Variants in CD300C observed in about 807,000 individuals in gnomAD.
CD300C encodes the protein CD300c molecule.
A neutral mutation model predicts 18.4 loss-of-function variants in CD300C; 11 were observed. The observed-to-expected ratio is 0.60, with a 90% CI of 0.38 to 0.99. CD300C has a LOEUF of 0.99. Among genes scored for constraint, CD300C ranks in the 50% least tolerant of loss-of-function variants. The probability of loss-of-function intolerance (pLI) is 0.01; values close to 1 mark genes in which losing one functional copy is unlikely to be tolerated. For synonymous variants in CD300C, 116 were observed against 116.3 expected (o/e 1.00, Z 0.02); for missense variants, 277 against 287.4 (o/e 0.96, Z 0.26).
intron 2 of CD300C, among the ~76,000 whole-genome samples, chr17:74,543,919 A>T (rs563754551): frequency 3.9e-5 from 6 of 152,212 alleles, no homozygotes; most frequent in African/African-American, 1.4e-4. Flanking sequence ...CCTGTGGTAA[A>T]AGGTGCCAGA....
At chr17:74,538,405 G>T (rs910102922), downstream of CD300C, among the ~76,000 whole-genome samples, 9 of 152,186 alleles carry the variant, frequency 5.9e-5, no homozygotes, top group African/African-American at 2.2e-4. Context: ...TGGGGACACG[G>T]TGACAGGCAG....
intron 2 of CD300C, among the ~76,000 whole-genome samples, chr17:74,543,419 G>A (rs1908630370): frequency 6.6e-6 from 1 of 152,226 alleles, no homozygotes; most frequent in South Asian, 2.1e-4. Context: ...CCTGAACGAT[G>A]GGACCCGAGT....
chr17:74,540,527 C>G (rs1014205252), downstream of CD300C, among the ~76,000 whole-genome samples: 1 of 151,974 alleles, frequency 6.6e-6, no homozygotes, highest in Non-Finnish European at 1.5e-5. Context: ...AAGCATCTGC[C>G]GAATGGAAAA....
At chr17:74,545,297 T>C (rs2143157938) in intron 1 of CD300C, among the ~76,000 whole-genome samples, 1 of 151,580 alleles carries the variant, frequency 6.6e-6, no homozygotes, top group African/African-American at 2.4e-5. Flanking sequence ...TGTGTGTGCA[T>C]GTGAGTGTGA....
At chr17:74,539,311 G>T (rs1288367153), downstream of CD300C, among the ~76,000 whole-genome samples, 3 of 152,070 alleles carry the variant, frequency 2.0e-5, no homozygotes, top group African/African-American at 7.2e-5. Flanking sequence ...TGCAGTCATT[G>T]GTGCTGATGC....
chr17:74,540,046 C>T (rs1333033377), downstream of CD300C, among the ~76,000 whole-genome samples: 1 of 152,226 alleles, frequency 6.6e-6, no homozygotes, highest in Admixed American at 6.5e-5. Flanking sequence ...TGTGCCATAT[C>T]CAGCTCAGGC....
In CD300C at chr17:74,542,853, C is replaced by A. The variant is rs772402792; in HGVS notation, c.527+8G>T. On this transcript the variant is annotated splice_region_variant and intron_variant, in intron 3 of 3. Transcript: ENST00000330793. ...AGCGTGGCCCAGTCCTATGCGCAGG[C>A]ACCTTACCCAGGGTGTGGGCTGGGT... 1.9e-6 allele frequency: 3 copies of A among 1,603,678 alleles called. No homozygotes were observed. The highest frequency in any genetic ancestry group is 2.5e-6 in the Non-Finnish European group (3 of 1,179,664).
chr17:74,542,402 A>G (rs553068652), intron 3 of CD300C, among the ~76,000 whole-genome samples: 1 of 151,858 alleles, frequency 6.6e-6, no homozygotes, highest in South Asian at 2.1e-4. Context: ...TCCTCCCTCC[A>G]CCTGGACCCT....
In CD300C at chr17:74,545,706, G is replaced by C; in HGVS notation, c.61+16C>G. 1 of 1,599,998 alleles carries C rather than the reference G, an allele frequency of 6.3e-7. No individual in the cohort carries two copies. The highest frequency in any genetic ancestry group is 8.5e-7 in the Non-Finnish European group (1 of 1,172,536). On this transcript the variant is annotated intron_variant, in intron 1 of 3. Transcript: ENST00000330793. Reference sequence around the variant, plus strand: ...CTCAGGACAGAGCTCCCCAAGTCCAGGGTCGGCCCACTCACCTGGGACAAG... The same window carrying C: ...CTCAGGACAGAGCTCCCCAAGTCCACGGTCGGCCCACTCACCTGGGACAAG...
chr17:74,541,733 G>T lies in CD300C; in HGVS notation c.531C>A (p.Ser177=). 6.2e-7 allele frequency: 1 copy of T among 1,612,850 alleles called. No homozygotes were observed. The highest frequency in any genetic ancestry group is 1.7e-4 in the Middle Eastern group (1 of 6,056). The change falls in exon 4 of 4, where the codon TCC becomes TCA. Residue 177 remains serine (S), a synonymous_variant. Coordinates refer to ENST00000330793, the MANE Select transcript of CD300C (RefSeq NM_006678.5). ...GCAGGAAGCGGACATTGCTGAACAGGGAGCTGTGGGGACACGGTGACAGGC... is the reference window on the plus strand; with the variant it reads ...GCAGGAAGCGGACATTGCTGAACAGTGAGCTGTGGGGACACGGTGACAGGC... ...DSPEPSPHPG[S]LFSNVRFLLL... is the part of the protein sequence containing the mutation.
chr17:74,543,015 A>G (rs755254644), intron 2 of CD300C, 28 bp from the exon 3 acceptor site: 1 of 1,612,164 alleles, frequency 6.2e-7, no homozygotes, highest in Non-Finnish European at 8.5e-7. Flanking sequence ...GTCAACCTTG[A>G]TGACATCACA....
At chr17:74,544,034 CT>C in intron 2 of CD300C, among the ~76,000 whole-genome samples, 1 of 152,278 alleles carries the variant, frequency 6.6e-6, no homozygotes, top group East Asian at 1.9e-4. Flanking sequence ...CCTCCAGTGG[CT>C]GCTGCAGGAG....
rs1908549241 is a variant in CD300C at position 74,541,587 on chromosome 17, T to C, written c.*2A>G. The C allele has an allele frequency of 6.2e-7, 1 of 1,609,108 alleles. No individual in the cohort carries two copies. Among genetic ancestry groups the C allele is most frequent in the Admixed American group, 1.7e-5 (1 of 59,990 alleles). On this transcript the variant is annotated 3_prime_UTR_variant, in exon 4 of 4. Coordinates refer to ENST00000330793, the MANE Select transcript of CD300C (RefSeq NM_006678.5). ...GCACAGGGCCTTGATGGACAGCAGA[T>C]GCTACTGGTTCTCACCCTTGGGCCA...
Position 74,544,767 on chromosome 17 carries a change from C to T in CD300C, c.242G>A (p.Arg81Gln), listed in dbSNP as rs1211142816. 3.0e-5 allele frequency: 48 copies of T among 1,614,126 alleles called. No individual in the cohort carries two copies. The highest frequency in any genetic ancestry group is 3.9e-5 in the Non-Finnish European group (46 of 1,180,046). ...TKGSAGKRNGRVSIRDSPANL... is the reference protein window; with the variant it reads ...TKGSAGKRNGQVSIRDSPANL... ...TGCAGGACTGTCCCTGATGGACACT[C>T]GGCCATTCCTTTTCCCTGCTGACCC... Residue 81 changes from arginine to glutamine, a missense_variant, in exon 2 of 4, where the codon CGA becomes CAA. Physicochemically the swap from Arg to Gln is conservative, Grantham distance 43. Coordinates refer to ENST00000330793, the MANE Select transcript of CD300C (RefSeq NM_006678.5).
In CD300C at chr17:74,545,239, ACTGT is replaced by A. The variant is rs751830917; in HGVS notation, c.62-296_62-293del. On this transcript the variant is annotated intron_variant, in intron 1 of 3. Coordinates refer to ENST00000330793, the MANE Select transcript of CD300C (RefSeq NM_006678.5). Reference sequence around the variant, plus strand: ...CTGTGTGTGTGACTGTGTGAGTGTGACTGTCTGTGTGAGTGTGACTGTGTGTGAC... The same window carrying A: ...CTGTGTGTGTGACTGTGTGAGTGTGACTGTGTGAGTGTGACTGTGTGTGAC... Among the ~76,000 whole-genome samples the A allele has an allele frequency of 7.0e-4, 106 of 150,864 alleles. 1 individual carries two copies. Among genetic ancestry groups the A allele is most frequent in the African/African-American group, 1.4e-3 (58 of 40,980 alleles).
At chr17:74,536,572 A>G (rs1486515007), downstream of CD300C, among the ~76,000 whole-genome samples, 5 of 151,954 alleles carry the variant, frequency 3.3e-5, no homozygotes, top group East Asian at 9.6e-4. Flanking sequence ...AAACAACAGA[A>G]AGTAGATGAA....
At position 74,541,592 on chromosome 17, in the gene CD300C, C is replaced by A; in HGVS notation, c.672G>T (p.Gln224His). The change falls in exon 4 of 4, where the codon CAG becomes CAT. Residue 224 changes from glutamine (Q) to histidine (H), a missense_variant. By Grantham distance (24) the Gln-to-His change is conservative. Transcript: ENST00000330793. ...SRQNWPKGEN[Q>H] is the part of the protein sequence containing the mutation. ...GGGCCTTGATGGACAGCAGATGCTA[C>A]TGGTTCTCACCCTTGGGCCAATTCT... 1.9e-6 allele frequency: 3 copies of A among 1,611,698 alleles called. No individual in the cohort carries two copies. The highest frequency in any genetic ancestry group is 1.7e-6 in the Non-Finnish European group (2 of 1,177,858).
chr17:74,543,842 G>A (rs913843525), intron 2 of CD300C, among the ~76,000 whole-genome samples: 10 of 152,192 alleles, frequency 6.6e-5, no homozygotes, highest in Non-Finnish European at 8.8e-5. Flanking sequence ...CCTCAGGTCC[G>A]TGCCAGTCTC....
At chr17:74,541,857 CT>C (rs1383861628) in intron 3 of CD300C, 121 bp from the exon 4 acceptor site, 48 of 1,022,644 alleles carry the variant, frequency 4.7e-5, no homozygotes, top group African/African-American at 8.0e-5. Flanking sequence ...AAGCACCCCC[CT>C]GGACAGTCCA....
Sources: gnomAD v4.1 joint callset for allele counts (sites outside exome capture counted in the v4.1 genomes callset) on GRCh38, gnomAD v4.1.1 for gene constraint, MANE v1.5 for transcripts, NCBI Gene and HGNC (gene_info 2026-07-23, HGNC 2026-07-21) for gene names.